The following TNFSF4 variants were observed in gnomAD, a reference collection of about 807,000 sequenced individuals.
The protein encoded by TNFSF4 is TNF superfamily member 4.
A neutral mutation model predicts 7.3 loss-of-function variants in TNFSF4; 4 were observed. The ratio of observed to expected loss-of-function variants is 0.55; its 90% confidence interval spans 0.27 to 1.25. The LOEUF (loss-of-function observed/expected upper bound fraction) is 1.25, where lower values mean the gene tolerates loss of function less well. Among genes scored for constraint, TNFSF4 ranks in the 50% most tolerant of loss-of-function variants. TNFSF4 has a pLI of 0.12. For synonymous variants in TNFSF4, 76 were observed against 83.7 expected, an observed-to-expected ratio of 0.91 and a Z score of 0.50; for missense variants, 181 against 208.8, an observed-to-expected ratio of 0.87 and a Z score of 0.82.
chr1:173,358,043 G>A, the TNFSF4 span, among the ~76,000 whole-genome samples: 1 of 1,052 alleles, frequency 9.5e-4, no homozygotes, highest in Admixed American at 6.6e-3. Flanking sequence ...AGGATTTTGA[G>A]ATGGGGGGGG....
At chr1:173,348,850 T>C in the TNFSF4 span, among the ~76,000 whole-genome samples, 1 of 152,188 alleles carries the variant, frequency 6.6e-6, no homozygotes, top group Non-Finnish European at 1.5e-5. Context: ...CAGTGAGTGA[T>C]AAATAAACCT....
At chr1:173,195,326 G>A (rs1339632289) in intron 1 of TNFSF4, among the ~76,000 whole-genome samples, 1 of 152,220 alleles carries the variant, frequency 6.6e-6, no homozygotes, top group East Asian at 1.9e-4. Flanking sequence ...CAATGTTGCA[G>A]GGTTGCCTAT....
At chr1:173,213,591 T>C in the TNFSF4 span, among the ~76,000 whole-genome samples, 1 of 152,230 alleles carries the variant, frequency 6.6e-6, no homozygotes, top group African/African-American at 2.4e-5. Context: ...AAAAATCAAC[T>C]TTATTAAAAT....
chr1:173,345,191 T>C, the TNFSF4 span, among the ~76,000 whole-genome samples: 3 of 152,222 alleles, frequency 2.0e-5, no homozygotes, highest in African/African-American at 7.2e-5. Flanking sequence ...GATTTTTGTC[T>C]TTTTGCTGTT....
the TNFSF4 span, among the ~76,000 whole-genome samples, chr1:173,357,029 C>G: frequency 2.0e-5 from 3 of 152,152 alleles, no homozygotes; most frequent in African/African-American, 7.2e-5. Context: ...TTCCTAACTG[C>G]TCCCTTCAGA....
At chr1:173,316,545 G>A in the TNFSF4 span, among the ~76,000 whole-genome samples, 1 of 152,034 alleles carries the variant, frequency 6.6e-6, no homozygotes, top group Non-Finnish European at 1.5e-5. Flanking sequence ...ATTAGTTTAT[G>A]TGTTAAAATA....
Position 173,185,136 on chromosome 1 carries a change from A to G in TNFSF4, c.*1380T>C, listed in dbSNP as rs1341558904. ...TCCTTGATAACACAGAATCATCCAG[A>G]AAGATTCTGTGATGTTGTATCCTCT... On this transcript the variant is annotated 3_prime_UTR_variant, in exon 3 of 3. Coordinates refer to ENST00000281834, the MANE Select transcript of TNFSF4 (RefSeq NM_003326.5). The G allele has an allele frequency of 6.6e-6, 1 of 152,230 alleles. No individual in the cohort carries two copies. 9.4% of individuals were successfully genotyped at this position (152,230 alleles called of 1,614,324 possible).
the TNFSF4 span, among the ~76,000 whole-genome samples, chr1:173,359,050 T>A: frequency 0.63 from 96,272 of 152,024 alleles, 30,669 homozygotes; most frequent in Admixed American, 0.69. Flanking sequence ...AATTAAAGCA[T>A]TCCTCTGGTT....
At chr1:173,405,974 GGT>G in the TNFSF4 span, among the ~76,000 whole-genome samples, 4 of 152,194 alleles carry the variant, frequency 2.6e-5, no homozygotes, top group Admixed American at 2.0e-4. Context: ...ATGGCACGTG[GGT>G]GTGTGTTATT....
At chr1:173,442,551 G>GTTTTTT in the TNFSF4 span, among the ~76,000 whole-genome samples, 20 of 119,396 alleles carry the variant, frequency 1.7e-4, no homozygotes, top group African/African-American at 6.5e-4. Context: ...TTTTGTTTTT[G>GTTTTTT]TTTTTTTTTT....
chr1:173,258,313 A>G, the TNFSF4 span, among the ~76,000 whole-genome samples: 2 of 152,028 alleles, frequency 1.3e-5, no homozygotes, highest in African/African-American at 4.8e-5. Context: ...CTAGGTGGTT[A>G]GCACGACCTA....
At chr1:173,358,352 T>A in the TNFSF4 span, among the ~76,000 whole-genome samples, 1 of 152,168 alleles carries the variant, frequency 6.6e-6, no homozygotes, top group Non-Finnish European at 1.5e-5. Flanking sequence ...ATACCATGCA[T>A]CTTTCAAAAG....
chr1:173,201,839 C>A (rs898744620), intron 1 of TNFSF4, among the ~76,000 whole-genome samples: 1 of 152,084 alleles, frequency 6.6e-6, no homozygotes, highest in Admixed American at 6.6e-5. Context: ...TTCAATCCAA[C>A]TCTACCATGT....
chr1:173,299,070 A>G, the TNFSF4 span, among the ~76,000 whole-genome samples: 1 of 152,072 alleles, frequency 6.6e-6, no homozygotes, highest in Admixed American at 6.6e-5. Context: ...TTGTTGGGAT[A>G]TGATGTCCTT....
chr1:173,256,070 G>A, the TNFSF4 span, among the ~76,000 whole-genome samples: 2 of 152,082 alleles, frequency 1.3e-5, no homozygotes, highest in African/African-American at 2.4e-5. Flanking sequence ...TTAAATAGTA[G>A]GAAGACAGCA....
chr1:173,226,125 C>A, the TNFSF4 span, among the ~76,000 whole-genome samples: 1 of 152,122 alleles, frequency 6.6e-6, no homozygotes, highest in African/African-American at 2.4e-5. Flanking sequence ...TGTACATCAT[C>A]CTTCATGTTT....
chr1:173,327,689 C>T, the TNFSF4 span, among the ~76,000 whole-genome samples: 1 of 152,058 alleles, frequency 6.6e-6, no homozygotes, highest in Non-Finnish European at 1.5e-5. Context: ...AAAAAGTGGG[C>T]AAAGGATATG....
the TNFSF4 span, among the ~76,000 whole-genome samples, chr1:173,323,706 A>G: frequency 2.0e-5 from 3 of 152,202 alleles, no homozygotes; most frequent in African/African-American, 7.2e-5. Context: ...CGAGAACTAC[A>G]TGATGAATGC....
the TNFSF4 span, among the ~76,000 whole-genome samples, chr1:173,398,409 C>CTTTTTTTTTTTTTTTTTTTTTTTTTT: frequency 2.0e-5 from 2 of 101,576 alleles, no homozygotes; most frequent in South Asian, 3.5e-4. Context: ...TATTTCTTTT[C>CTTTTTTTTTTTTTTTTTTTTTTTTTT]TTTTTTTTTT....
Sources: gnomAD v4.1 joint callset for allele counts (sites outside exome capture counted in the v4.1 genomes callset) on GRCh38, gnomAD v4.1.1 for gene constraint, MANE v1.5 for transcripts, NCBI Gene and HGNC (gene_info 2026-07-23, HGNC 2026-07-21) for gene names.